NAALADL2: variants seen among roughly 807,000 people sequenced by gnomAD.
The protein encoded by NAALADL2 is inactive N-acetylated-alpha-linked acidic dipeptidase-like protein 2.
A neutral mutation model predicts 87.2 loss-of-function variants in NAALADL2; 76 were observed. The ratio of observed to expected loss-of-function variants is 0.87; its 90% CI spans 0.72 to 1.05. The LOEUF is 1.05. Among genes scored for constraint, NAALADL2 ranks in the 50% least tolerant of loss-of-function variants. NAALADL2 has a pLI of 0.00. For synonymous variants in NAALADL2, 354 were observed against 331.0 expected (o/e 1.07, Z -0.75); for missense variants, 1,089 against 945.8 (o/e 1.15, Z -1.99).
upstream of NAALADL2, among the ~76,000 whole-genome samples, chr3:174,855,536 C>T (rs143632414): frequency 3.9e-5 from 6 of 152,156 alleles, no homozygotes; most frequent in Admixed American, 1.3e-4. Context: ...CATCACTTTT[C>T]GCTTTTAAGC....
chr3:174,509,568 A>ATTTTTTTTTTTT (rs145219498), intron 1 of NAALADL2, among the ~76,000 whole-genome samples: 37 of 80,114 alleles, frequency 4.6e-4, no homozygotes, highest in Non-Finnish European at 6.6e-4. Context: ...CACCCAGCTA[A>ATTTTTTTTTTTT]TTTTTTTTTT....
intron 11 of NAALADL2, among the ~76,000 whole-genome samples, chr3:175,639,260 C>T (rs985587513): frequency 6.6e-6 from 1 of 151,022 alleles, no homozygotes; most frequent in African/African-American, 2.4e-5. Context: ...CTTGTTCATA[C>T]TGGCTTATCT....
At chr3:175,752,204 G>A (rs1746699492) in intron 12 of NAALADL2, among the ~76,000 whole-genome samples, 2 of 152,032 alleles carry the variant, frequency 1.3e-5, no homozygotes, top group South Asian at 4.2e-4. Context: ...GATTACATAG[G>A]GTTCTTTCCA....
At chr3:174,783,588 C>G (rs370287903) in intron 3 of NAALADL2, among the ~76,000 whole-genome samples, 3 of 152,070 alleles carry the variant, frequency 2.0e-5, no homozygotes, top group African/African-American at 7.2e-5. Flanking sequence ...GCCCATAGAC[C>G]TGATTCTTCA....
chr3:174,545,553 G>A (rs1463940043), intron 1 of NAALADL2, among the ~76,000 whole-genome samples: 2 of 152,110 alleles, frequency 1.3e-5, no homozygotes, highest in African/African-American at 2.4e-5. Context: ...TTGACAAATC[G>A]GAGTCCATGC....
At chr3:175,640,902 G>A (rs1185775510) in intron 11 of NAALADL2, among the ~76,000 whole-genome samples, 1 of 152,160 alleles carries the variant, frequency 6.6e-6, no homozygotes, top group Non-Finnish European at 1.5e-5. Flanking sequence ...AGGCTCTTAA[G>A]TAGGAACAGA....
intron 11 of NAALADL2, chr3:175,718,743 T>C (rs1222717416): frequency 6.5e-6 from 7 of 1,070,114 alleles, no homozygotes; most frequent in East Asian, 4.9e-5. Context: ...CTGGGCAACA[T>C]AGCAAGACTC....
At chr3:175,020,815 C>A (rs1473364641) in intron 1 of NAALADL2, among the ~76,000 whole-genome samples, 1 of 152,042 alleles carries the variant, frequency 6.6e-6, no homozygotes, top group Non-Finnish European at 1.5e-5. Context: ...GCCCTGGTTT[C>A]TCTTCCCTTT....
chr3:175,172,600 C>G (rs1580785619), intron 2 of NAALADL2, among the ~76,000 whole-genome samples: 1 of 152,002 alleles, frequency 6.6e-6, no homozygotes, highest in South Asian at 2.1e-4. Flanking sequence ...TGAAATTATC[C>G]TCACTCTTGC....
At chr3:174,811,960 C>T (rs1720261644) in intron 3 of NAALADL2, among the ~76,000 whole-genome samples, 1 of 151,960 alleles carries the variant, frequency 6.6e-6, no homozygotes, top group Admixed American at 6.6e-5. Context: ...TTTGTGGCAC[C>T]TCCCCCTCTT....
intron 1 of NAALADL2, among the ~76,000 whole-genome samples, chr3:175,016,084 A>G (rs1373623860): frequency 6.6e-6 from 1 of 151,628 alleles, no homozygotes; most frequent in African/African-American, 2.4e-5. Flanking sequence ...TACAATATTC[A>G]CCTGAAACTC....
At chr3:175,568,015 C>A (rs1024132686) in intron 9 of NAALADL2, among the ~76,000 whole-genome samples, 14 of 151,946 alleles carry the variant, frequency 9.2e-5, no homozygotes, top group African/African-American at 2.4e-4. Context: ...TGCGCCCGGC[C>A]CCAAAAATTT....
intron 5 of NAALADL2, among the ~76,000 whole-genome samples, chr3:175,421,146 T>C (rs1359575105): frequency 6.6e-6 from 1 of 152,038 alleles, no homozygotes; most frequent in Non-Finnish European, 1.5e-5. Context: ...GTATATATAT[T>C]GTTACTGCTT....
intron 1 of NAALADL2, among the ~76,000 whole-genome samples, chr3:175,077,962 T>A (rs1716943306): frequency 6.6e-6 from 1 of 152,068 alleles, no homozygotes; most frequent in African/African-American, 2.4e-5. Flanking sequence ...CTATATGGAC[T>A]ACCTACACTC....
chr3:175,419,414 A>C (rs995197561), intron 5 of NAALADL2, among the ~76,000 whole-genome samples: 2 of 151,956 alleles, frequency 1.3e-5, no homozygotes, highest in Non-Finnish European at 2.9e-5. Flanking sequence ...TTATTATAGC[A>C]AAAAATTATT....
chr3:174,966,417 A>G (rs1044108259), intron 1 of NAALADL2, among the ~76,000 whole-genome samples: 7 of 152,198 alleles, frequency 4.6e-5, no homozygotes, highest in Admixed American at 1.3e-4. Context: ...TACCAGATTC[A>G]CAGAGACCAG....
intron 1 of NAALADL2, among the ~76,000 whole-genome samples, chr3:174,480,129 C>T (rs1717463783): frequency 2.0e-5 from 3 of 151,918 alleles, no homozygotes; most frequent in South Asian, 4.2e-4. Context: ...CTATTCTTCA[C>T]CTAAAAAATA....
At chr3:175,270,533 T>A (rs1752675840) in intron 4 of NAALADL2, among the ~76,000 whole-genome samples, 1 of 152,194 alleles carries the variant, frequency 6.6e-6, no homozygotes, top group Admixed American at 6.5e-5. Flanking sequence ...AGAGTGCTGG[T>A]GAAACCACAG....
At chr3:175,698,473 G>GTGTATATATATA (rs1553953616) in intron 11 of NAALADL2, among the ~76,000 whole-genome samples, 1 of 82,092 alleles carries the variant, frequency 1.2e-5, no homozygotes, top group African/African-American at 9.4e-5. Flanking sequence ...ATATATGTGT[G>GTGTATATATATA]TATATATATT....
Sources: gnomAD v4.1 joint callset for allele counts (sites outside exome capture counted in the v4.1 genomes callset) on GRCh38, gnomAD v4.1.1 for gene constraint, MANE v1.5 for transcripts, NCBI Gene and HGNC (gene_info 2026-07-23, HGNC 2026-07-21) for gene names.